The following CAMKK2 variants were observed in gnomAD, a reference collection of about 807,000 sequenced individuals.
The protein encoded by CAMKK2 is calcium/calmodulin-dependent protein kinase kinase 2.
CAMKK2 carries 30 observed loss-of-function variants against 67.2 expected under a neutral mutation model. The ratio of observed to expected loss-of-function variants is 0.45; its 90% CI spans 0.33 to 0.61. CAMKK2 has a LOEUF of 0.61. CAMKK2 is among the 20% of genes least tolerant of loss of function. CAMKK2 has a pLI of 0.02. For missense variants in CAMKK2, 643 were observed against 802.0 expected (o/e 0.80, Z 2.39); for synonymous variants, 322 against 326.2 (o/e 0.99, Z 0.14).
At chr12:121,248,497 C>T in intron 14 of CAMKK2, 109 bp downstream of exon 14, 3 of 1,290,688 alleles carry the variant, frequency 2.3e-6, no homozygotes, top group Non-Finnish European at 3.3e-6. Context: ...TTAGGGGTGG[C>T]CCCCGGACAT....
intron 1 of CAMKK2, among the ~76,000 whole-genome samples, chr12:121,287,658 G>A (rs958758338): frequency 6.6e-6 from 1 of 152,152 alleles, no homozygotes; most frequent in Non-Finnish European, 1.5e-5. Context: ...CCCCAGTCAC[G>A]CAGTCAGACA....
At chr12:121,267,305 G>A (rs1894819525) in intron 5 of CAMKK2, among the ~76,000 whole-genome samples, 1 of 149,776 alleles carries the variant, frequency 6.7e-6, no homozygotes, top group Non-Finnish European at 1.5e-5. Flanking sequence ...GTAGATGCAG[G>A]GTTTCACCAT....
intron 6 of CAMKK2, 57 bp downstream of exon 6, chr12:121,263,749 T>C: frequency 6.6e-7 from 1 of 1,516,176 alleles, no homozygotes. Context: ...TGGCGGGGTG[T>C]TTGGGTATTA....
intron 1 of CAMKK2, 59 bp from the exon 2 acceptor site, chr12:121,274,644 C>A: frequency 1.5e-6 from 1 of 674,364 alleles, no homozygotes; most frequent in Non-Finnish European, 2.5e-6. Flanking sequence ...AGGAAAGGAT[C>A]CCCTCTCCTC....
intron 7 of CAMKK2, among the ~76,000 whole-genome samples, chr12:121,256,088 G>A (rs563048709): frequency 2.2e-4 from 33 of 152,302 alleles, no homozygotes; most frequent in East Asian, 5.8e-4. Context: ...AAGAAAACAC[G>A]GCAGGGGGCT....
rs890057079 is a variant in CAMKK2, at chr12:121,239,260, G to A, written c.*1439C>T. The A allele has an allele frequency of 1.3e-5, 2 of 152,228 alleles. No homozygotes were observed. The highest frequency in any genetic ancestry group is 2.9e-5 in the Non-Finnish European group (2 of 68,066). 9.4% of individuals were successfully genotyped at this position (152,228 alleles called of 1,614,324 possible). On this transcript the variant is annotated 3_prime_UTR_variant, in exon 17 of 17. Coordinates refer to ENST00000404169, the MANE Select transcript of CAMKK2 (RefSeq NM_001270485.2). ...CCACCAAGCGCTGGAAAGCAGAGCTGGGAATCTCCCAAGGCAGAGTCCTTC... is the reference window on the plus strand; with the variant it reads ...CCACCAAGCGCTGGAAAGCAGAGCTAGGAATCTCCCAAGGCAGAGTCCTTC...
At chr12:121,255,344 A>ATATATATATAATTATATATAATTT (rs1891975676) in intron 9 of CAMKK2, among the ~76,000 whole-genome samples, 1 of 9,796 alleles carries the variant, frequency 1.0e-4, no homozygotes, top group Non-Finnish European at 2.0e-4. Context: ...ATATAATTTT[A>ATATATATATAATTATATATAATTT]TATATATAAT....
chr12:121,255,655 CAT>C lies in CAMKK2; in HGVS notation c.819-19_819-18del. ...ATCACGGGCCTGAAAGGTCGACACT[CAT>C]GTGAAACACAAAGCAGACCCGCCAG... On this transcript the variant is annotated intron_variant, in intron 8 of 16. Transcript: ENST00000404169. The C allele has an allele frequency of 1.2e-6, 2 of 1,611,714 alleles. No individual in the cohort carries two copies. The highest frequency in any genetic ancestry group is 1.7e-6 in the Non-Finnish European group (2 of 1,178,740).
rs1279964849 is a variant in CAMKK2 at position 121,296,689 on chromosome 12, C to T, written c.-111G>A. On this transcript the variant is annotated 5_prime_UTR_variant, in exon 1 of 17. Transcript: ENST00000404169. The surrounding 1 kb of genome is among the most constrained non-coding windows in gnomAD (Gnocchi z 7.1). ...CGCGCTCTGCGCCCCCAGCTCGGCTCGGCTCGGCTCAGCTTGCTCTGCGCG... is the reference window on the plus strand; with the variant it reads ...CGCGCTCTGCGCCCCCAGCTCGGCTTGGCTCGGCTCAGCTTGCTCTGCGCG... 1 of 149,200 alleles carries T rather than the reference C, an allele frequency of 6.7e-6. No homozygotes were observed. Among genetic ancestry groups the T allele is most frequent in the African/African-American group, 2.4e-5 (1 of 41,032 alleles). The allele number at this position is 149,200 out of a possible 1,614,324, so 9.2% of individuals were successfully genotyped here.
chr12:121,252,082 G>T (rs1265697373), intron 11 of CAMKK2, among the ~76,000 whole-genome samples: 2 of 151,228 alleles, frequency 1.3e-5, no homozygotes, highest in African/African-American at 4.8e-5. Context: ...AGAAATGGGA[G>T]AGGTGGCAGA....
At chr12:121,294,396 C>T (rs940639547) in intron 1 of CAMKK2, among the ~76,000 whole-genome samples, 2 of 152,170 alleles carry the variant, frequency 1.3e-5, no homozygotes. Flanking sequence ...GGTGGGACCA[C>T]CCCCGGATGA....
At chr12:121,251,290 G>A (rs1461095895) in intron 11 of CAMKK2, among the ~76,000 whole-genome samples, 1 of 152,216 alleles carries the variant, frequency 6.6e-6, no homozygotes, top group Non-Finnish European at 1.5e-5. Context: ...ACAAGCACAG[G>A]AAAAGGTTAA....
In CAMKK2 at chr12:121,274,426, C is replaced by T. The variant is rs560937960; in HGVS notation, c.101G>A (p.Cys34Tyr). ...GGATGAGAGGCCCCGCAGGGCCTCA[C>T]AGGGCTTCTGGCTTTCGCTGCTGCT... Reference protein sequence around the residue: ...GSSSSESQKPCEALRGLSSLS... With the variant: ...GSSSSESQKPYEALRGLSSLS... Residue 34 changes from cysteine to tyrosine, a missense_variant, in exon 2 of 17, where the codon TGT becomes TAT. Cys to Tyr is a radical substitution (Grantham distance 194). Transcript: ENST00000404169. 1.7e-5 allele frequency: 27 copies of T among 1,613,254 alleles called. No individual in the cohort carries two copies. The African/African-American group carries it at 3.2e-4, about 19-fold the overall frequency.
In CAMKK2 at chr12:121,281,517, G is replaced by A. The variant is rs552937984; in HGVS notation, c.-59-6932C>T. Among the ~76,000 whole-genome samples, 6 of 152,342 alleles carry A rather than the reference G, an allele frequency of 3.9e-5. No individual in the cohort carries two copies. The South Asian group carries it at 8.3e-4, about 21-fold the overall frequency. ...CCCACAGAGGTCCTCAAGGAAATGCGTTCATTCATTCATTCATTCATTTGT... is the reference window on the plus strand; with the variant it reads ...CCCACAGAGGTCCTCAAGGAAATGCATTCATTCATTCATTCATTCATTTGT... On this transcript the variant is annotated intron_variant, in intron 1 of 16. Transcript: ENST00000404169.
chr12:121,255,828 C>T, intron 7 of CAMKK2, 24 bp from the exon 8 acceptor site: 1 of 1,612,786 alleles, frequency 6.2e-7, no homozygotes, highest in Non-Finnish European at 8.5e-7. Context: ...AAGGGTGAAA[C>T]TGTTACATGG....
Position 121,240,635 on chromosome 12 carries a change from AACGCGGTGCAGCAGCCCCCCAGAGGCG to A in CAMKK2, c.*37_*63del. 1.3e-6 allele frequency: 2 copies of A among 1,537,532 alleles called. No homozygotes were observed. Among genetic ancestry groups the A allele is most frequent in the Non-Finnish European group, 1.7e-6 (2 of 1,147,850 alleles). The stretch of plus-strand genomic sequence containing the variant: ...TTTCCGTAGGACATGCTGCTATGGA[AACGCGGTGCAGCAGCCCCCCAGAGGCG>A]ACGCGGCGCGCATGCGAGGTCGAGC... On this transcript the variant is annotated 3_prime_UTR_variant, in exon 17 of 17. Coordinates refer to ENST00000404169, the MANE Select transcript of CAMKK2 (RefSeq NM_001270485.2). This position sits in a 1 kb window ranked among gnomAD's most constrained non-coding sequence, Gnocchi z 4.4.
rs550493248 is a variant in CAMKK2, at chr12:121,282,575, G to A, written c.-59-7990C>T. On this transcript the variant is annotated intron_variant, in intron 1 of 16. Transcript: ENST00000404169. Reference sequence around the variant, plus strand: ...GGGAAGGCCACACGGAGATGGAGGCGGAGACGATGCTCCTTCTAGAGGCCA... The same window carrying A: ...GGGAAGGCCACACGGAGATGGAGGCAGAGACGATGCTCCTTCTAGAGGCCA... Among the ~76,000 whole-genome samples the A allele has an allele frequency of 2.0e-5, 3 of 152,198 alleles. No individual in the cohort carries two copies. In the East Asian group the frequency reaches 5.8e-4, roughly 29 times the overall value.
At chr12:121,255,249 A>ATT (rs1891736429) in intron 9 of CAMKK2, among the ~76,000 whole-genome samples, 3 of 52,666 alleles carry the variant, frequency 5.7e-5, no homozygotes, top group Non-Finnish European at 7.3e-5. Context: ...TATATATATA[A>ATT]TTATATATAT....
At position 121,240,351 on chromosome 12, in the gene CAMKK2, C is replaced by T. The variant is rs1888109299; in HGVS notation, c.*348G>A. The T allele has an allele frequency of 7.9e-7, 1 of 1,273,200 alleles. No homozygotes were observed. The highest frequency in any genetic ancestry group is 1.5e-5 in the African/African-American group (1 of 66,578). 78.9% of individuals were successfully genotyped at this position (1,273,200 alleles called of 1,614,324 possible). ...CTTTCCACAGTTGTCAAACCCCACA[C>T]ACAGTCACTTGGTATATCTGACGTG... On this transcript the variant is annotated 3_prime_UTR_variant, in exon 17 of 17. Transcript: ENST00000404169. This position sits in a 1 kb window ranked among gnomAD's most constrained non-coding sequence, Gnocchi z 4.4.
Sources: gnomAD v4.1 joint callset for allele counts (sites outside exome capture counted in the v4.1 genomes callset) on GRCh38, gnomAD v4.1.1 for gene constraint, Gnocchi (gnomAD v3.1) non-coding constraint, MANE v1.5 for transcripts, NCBI Gene and HGNC (gene_info 2026-07-23, HGNC 2026-07-21) for gene names.